The following MAP3K15 variants were observed in gnomAD, a reference collection of about 807,000 sequenced individuals.
The protein encoded by MAP3K15 is MAPK/ERK kinase kinase 15.
MAP3K15 carries 124 observed loss-of-function variants against 99.5 expected under a neutral mutation model. The observed-to-expected ratio is 1.25, with a 90% CI of 1.08 to 1.45. The LOEUF is 1.45. MAP3K15 is among the 40% of genes most tolerant of loss of function. The probability of loss-of-function intolerance (pLI) is 0.00; values close to 1 mark genes in which losing one functional copy is unlikely to be tolerated. For missense variants in MAP3K15, 1,242 were observed against 1,079.7 expected (o/e 1.15, Z -2.11); for synonymous variants, 494 against 439.6 (o/e 1.12, Z -1.55).
intron 3 of MAP3K15, chrX:19,482,286 C>T (rs932483174): frequency 9.1e-6 from 1 of 109,353 alleles, no homozygotes; most frequent in Non-Finnish European, 1.9e-5. Flanking sequence ...GATTTGCACT[C>T]GAATATTCAC....
intron 5 of MAP3K15, 75 bp from the exon 6 acceptor site, chrX:19,457,094 C>T (rs2064098814): frequency 1.4e-6 from 1 of 700,753 alleles, no homozygotes; most frequent in African/African-American, 2.1e-5. Context: ...TTGTTATAAA[C>T]AGGAGACAGC....
chrX:19,485,476 G>T (rs1469178838), intron 3 of MAP3K15, among the ~76,000 whole-genome samples: 2 of 109,816 alleles, frequency 1.8e-5, no homozygotes, highest in Non-Finnish European at 1.9e-5. Flanking sequence ...TATCTTACAG[G>T]CCTGCTTGTA....
intron 15 of MAP3K15, among the ~76,000 whole-genome samples, chrX:19,396,771 A>G (rs1036059018): frequency 7.1e-5 from 8 of 111,943 alleles, no homozygotes; most frequent in African/African-American, 2.6e-4. Context: ...ACTGAAGGCA[A>G]TCCTACAGCT....
chrX:19,455,759 G>C (rs1365319110), intron 6 of MAP3K15, among the ~76,000 whole-genome samples: 1 of 109,730 alleles, frequency 9.1e-6, no homozygotes, highest in Admixed American at 9.9e-5. Flanking sequence ...CCTCTACTAT[G>C]TCTGGGAAAA....
Position 19,409,925 on chromosome X carries a change from T to G in MAP3K15, c.1747A>C (p.Ser583Arg), listed in dbSNP as rs2063674590. The G allele has an allele frequency of 8.4e-7, 1 of 1,194,085 alleles. No homozygotes were observed. The change falls in exon 12 of 29, where the codon AGC becomes CGC. Residue 583 changes from serine (S) to arginine (R), a missense_variant and splice_region_variant. By Grantham distance (110) the Ser-to-Arg change is moderately radical. Coordinates refer to ENST00000338883, the MANE Select transcript of MAP3K15 (RefSeq NM_001001671.4). Reference protein sequence around the residue: ...NFTASSIKGISLSKFDERCCF... With the variant: ...NFTASSIKGIRLSKFDERCCF... ...CTCCATTTTCTCCTATGTTCTTACC[T>G]TATTCCCTTTATGGAAGAGGCTGTA...
chrX:19,377,275 G>A (rs987934513), intron 19 of MAP3K15, among the ~76,000 whole-genome samples: 16 of 112,352 alleles, frequency 1.4e-4, no homozygotes, highest in Non-Finnish European at 3.0e-4. Flanking sequence ...TCATACAGGC[G>A]GGGCACGGTG....
At chrX:19,397,593 G>A (rs1341998835) in intron 15 of MAP3K15, among the ~76,000 whole-genome samples, 2 of 110,968 alleles carry the variant, frequency 1.8e-5, no homozygotes, top group Non-Finnish European at 3.8e-5. Context: ...CTGCCTGAGT[G>A]ACAGAGTGAG....
At position 19,373,693 on chromosome X, in the gene MAP3K15, C is replaced by T; in HGVS notation, c.2776G>A (p.Gly926Ser). 1 of 1,198,159 alleles carries T rather than the reference C, an allele frequency of 8.3e-7. No homozygotes were observed. The highest frequency in any genetic ancestry group is 1.7e-5 in the African/African-American group (1 of 57,708). ...KNRIAFKPSE[G>S]PRGVVLALPT... ...AGGGCCAGGACGACACCGCGGGGAC[C>T]TTCTGTAGGGGGACAGCCAGACACC... The change falls in exon 21 of 29, where the codon GGT becomes AGT. Residue 926 changes from glycine (G) to serine (S), a missense_variant and splice_region_variant. Physicochemically the swap from Gly to Ser is moderately conservative, Grantham distance 56. Coordinates refer to ENST00000338883, the MANE Select transcript of MAP3K15 (RefSeq NM_001001671.4).
Position 19,515,196 on chromosome X carries a change from G to A in MAP3K15, c.66C>T (p.Cys22=). ...CGCCCTCCACCCCCGGCGGCGGCGG[G>A]CACTGAGGGGACTCGCTCGCCGCCC... ...ALGAASESPQ[C]PPPPGVEGAA... Residue 22 remains cysteine (C), a synonymous_variant, in exon 1 of 29, where the codon TGC becomes TGT. Transcript: ENST00000338883. 2.3e-6 allele frequency: 2 copies of A among 868,350 alleles called. No homozygotes were observed. Among genetic ancestry groups the A allele is most frequent in the Non-Finnish European group, 2.8e-6 (2 of 711,421 alleles). 71.6% of individuals were successfully genotyped at this position (868,350 alleles called of 1,213,427 possible).
intron 6 of MAP3K15, among the ~76,000 whole-genome samples, chrX:19,438,434 AAC>A (rs771937140): frequency 1.7e-3 from 190 of 112,063 alleles, no homozygotes; most frequent in African/African-American, 6.0e-3. Context: ...ACAGAATAAA[AAC>A]ACAACACTGG....
intron 3 of MAP3K15, among the ~76,000 whole-genome samples, chrX:19,465,967 T>C (rs1392502048): frequency 9.2e-6 from 1 of 109,126 alleles, no homozygotes; most frequent in Non-Finnish European, 1.9e-5. Context: ...CTTTTTTCTT[T>C]TTTTGAGACA....
intron 1 of MAP3K15, among the ~76,000 whole-genome samples, chrX:19,505,637 G>A (rs2064471187): frequency 9.0e-6 from 1 of 111,256 alleles, no homozygotes; most frequent in African/African-American, 3.3e-5. Context: ...AGAAGTGGCA[G>A]ACATCACTCT....
intron 18 of MAP3K15, among the ~76,000 whole-genome samples, chrX:19,381,350 G>A (rs1227927182): frequency 8.9e-6 from 1 of 111,894 alleles, no homozygotes; most frequent in Non-Finnish European, 1.9e-5. Context: ...GGATGGGAGA[G>A]CAGCCCGGAG....
At position 19,372,762 on chromosome X, in the gene MAP3K15, T is replaced by G; in HGVS notation, c.2999A>C (p.Gln1000Pro). 2 of 1,211,797 alleles carry G rather than the reference T, an allele frequency of 1.7e-6. No individual in the cohort carries two copies. The highest frequency in any genetic ancestry group is 3.5e-5 in the South Asian group (2 of 57,013). ...GTCCTTGCGTAGCAGGAAGAGGCCC[T>G]GGTCCCTGTCCTCCGGGGACGAGGC... ...GLASSPEDRD[Q>P]GLFLLRKDSE... is the part of the protein sequence containing the mutation. The change falls in exon 22 of 29, where the codon CAG becomes CCG. Residue 1000 changes from glutamine (Q) to proline (P), a missense_variant. By Grantham distance (76) the Gln-to-Pro change is moderately conservative. Coordinates refer to ENST00000338883, the MANE Select transcript of MAP3K15 (RefSeq NM_001001671.4).
At chrX:19,435,092 T>C (rs2063911474) in intron 6 of MAP3K15, among the ~76,000 whole-genome samples, 1 of 112,196 alleles carries the variant, frequency 8.9e-6, no homozygotes, top group Admixed American at 9.5e-5. Context: ...TAATTTCTAA[T>C]GTCTGTGGCA....
At position 19,452,672 on chromosome X, in the gene MAP3K15, T is replaced by C. The variant is rs1004938961; in HGVS notation, c.995+4241A>G. 3.1e-4 allele frequency among the ~76,000 whole-genome samples: 35 copies of C among 112,015 alleles called. 1 individual carries two copies. Among genetic ancestry groups the C allele is most frequent in the Admixed American group, 2.5e-3 (26 of 10,590 alleles). On this transcript the variant is annotated intron_variant, in intron 6 of 28. Transcript: ENST00000338883. ...CCCTTGAAAAGGAAGTTCTGACACA[T>C]GCTACAACCATGAATGAACCTTGAG...
chrX:19,414,611 G>A (rs1437634380), intron 10 of MAP3K15, among the ~76,000 whole-genome samples: 1 of 112,313 alleles, frequency 8.9e-6, no homozygotes, highest in Non-Finnish European at 1.9e-5. Context: ...ATCAATTAGT[G>A]GCCTTAGAGG....
Position 19,368,383 on chromosome X carries a change from C to A in MAP3K15, c.3566+671G>T, listed in dbSNP as rs149646694. ...CTCAAACTCTTGACCTTAAGTGATC[C>A]ACTCACCTCGGCCTCTCAAAGTGTT... On this transcript the variant is annotated intron_variant, in intron 25 of 28. Coordinates refer to ENST00000338883, the MANE Select transcript of MAP3K15 (RefSeq NM_001001671.4). Among the ~76,000 whole-genome samples the A allele has an allele frequency of 1.5e-3, 167 of 112,908 alleles. 2 individuals carry two copies. In the East Asian group the frequency reaches 0.028, roughly 19 times the overall value.
At chrX:19,479,641 A>T (rs1436826815) in intron 3 of MAP3K15, among the ~76,000 whole-genome samples, 1 of 112,431 alleles carries the variant, frequency 8.9e-6, no homozygotes, top group Non-Finnish European at 1.9e-5. Flanking sequence ...ATGCCTATGG[A>T]CTATGTACAC....
Sources: allele counts gnomAD v4.1 joint callset (sites outside exome capture counted in the v4.1 genomes callset), GRCh38; gene constraint gnomAD v4.1.1; transcripts MANE v1.5; gene names NCBI Gene and HGNC (gene_info 2026-07-23, HGNC 2026-07-21).